RPH3AL: variants seen among roughly 807,000 people sequenced by gnomAD.
RPH3AL encodes the protein rab effector Noc2.
RPH3AL carries 38 observed loss-of-function variants against 43.1 expected under a neutral mutation model. The ratio of observed to expected loss-of-function variants is 0.88; its 90% CI spans 0.68 to 1.15. RPH3AL has a LOEUF of 1.15. Among genes scored for constraint, RPH3AL ranks in the 50% most tolerant of loss-of-function variants. The pLI is 0.00. For missense variants in RPH3AL, 462 were observed against 423.2 expected (o/e 1.09, Z -0.81); for synonymous variants, 189 against 176.3 (o/e 1.07, Z -0.57).
At chr17:230,509 C>T (rs556210744) in intron 7 of RPH3AL, among the ~76,000 whole-genome samples, 1 of 152,130 alleles carries the variant, frequency 6.6e-6, no homozygotes, top group Non-Finnish European at 1.5e-5. Flanking sequence ...TGGGGTGTGC[C>T]AGGCATCCTG....
At chr17:351,207 C>T (rs1288503292) in intron 1 of RPH3AL, among the ~76,000 whole-genome samples, 1 of 152,198 alleles carries the variant, frequency 6.6e-6, no homozygotes, top group Non-Finnish European at 1.5e-5. Context: ...TTGTCCTTGG[C>T]TATGGCCCTA....
intron 6 of RPH3AL, among the ~76,000 whole-genome samples, chr17:280,522 G>A (rs762563969): frequency 9.2e-5 from 14 of 152,176 alleles, no homozygotes; most frequent in Non-Finnish European, 1.5e-4. Context: ...CAGACCCAGC[G>A]GGAGGCAGCT....
intron 2 of RPH3AL, chr17:331,634 C>T: frequency 7.8e-7 from 1 of 1,288,416 alleles, no homozygotes; most frequent in Non-Finnish European, 1.0e-6. Flanking sequence ...ATTCTCCAAA[C>T]CTCGTCAGCA....
At chr17:331,414 G>A (rs1337999531) in intron 2 of RPH3AL, 1 of 334,648 alleles carries the variant, frequency 3.0e-6, no homozygotes, top group Non-Finnish European at 5.0e-6. Context: ...GTTCACAGGG[G>A]TGGCCCTGAG....
chr17:307,612 G>A (rs1253063017), intron 5 of RPH3AL, among the ~76,000 whole-genome samples: 3 of 152,234 alleles, frequency 2.0e-5, no homozygotes, highest in Non-Finnish European at 4.4e-5. Context: ...CACAGGAACT[G>A]ACCAGGGGAC....
chr17:334,398 CG>C (rs2044883341), intron 1 of RPH3AL, among the ~76,000 whole-genome samples: 1 of 152,250 alleles, frequency 6.6e-6, no homozygotes, highest in Non-Finnish European at 1.5e-5. Flanking sequence ...GTCTCTAGCC[CG>C]TCCACTGCGG....
At chr17:293,280 T>A (rs1380750812) in intron 5 of RPH3AL, among the ~76,000 whole-genome samples, 2 of 152,194 alleles carry the variant, frequency 1.3e-5, no homozygotes, top group African/African-American at 2.4e-5. Flanking sequence ...TACCACTGCG[T>A]CCCGAGTGGA....
At chr17:317,232 G>T (rs74200996) in intron 5 of RPH3AL, among the ~76,000 whole-genome samples, 1 of 147,022 alleles carries the variant, frequency 6.8e-6, no homozygotes, top group South Asian at 2.2e-4. Flanking sequence ...TGCAGTGCCT[G>T]TGCTCCACCT....
In RPH3AL at chr17:232,827, G is replaced by GGT. The variant is rs1296326264; in HGVS notation, c.614-13092_614-13091insAC. ...TCCTTGTCTCTAAACAGTCCTTTCC[G>GGT]GCGTGTGTGTGTGTGTGTGTGTGTG... On this transcript the variant is annotated intron_variant, in intron 7 of 9. Coordinates refer to ENST00000331302, the MANE Select transcript of RPH3AL (RefSeq NM_006987.4). Among the ~76,000 whole-genome samples, 12 of 130,300 alleles carry GGT rather than the reference G, an allele frequency of 9.2e-5. No individual in the cohort carries two copies. The East Asian group carries it at 2.2e-3, about 24-fold the overall frequency. The allele number at this position is 130,300 out of a possible 152,430, so 85.5% of individuals were successfully genotyped here.
intron 6 of RPH3AL, among the ~76,000 whole-genome samples, chr17:263,548 T>C (rs2042250282): frequency 6.6e-6 from 1 of 152,222 alleles, no homozygotes; most frequent in Non-Finnish European, 1.5e-5. Flanking sequence ...TAAAACCATA[T>C]GATGTGTTAC....
At chr17:244,833 G>A (rs991396079) in intron 7 of RPH3AL, among the ~76,000 whole-genome samples, 1 of 152,218 alleles carries the variant, frequency 6.6e-6, no homozygotes, top group Non-Finnish European at 1.5e-5. Context: ...GCATGTGCAT[G>A]GGAGTATGTG....
chr17:315,261 A>C (rs1479167031), intron 5 of RPH3AL, among the ~76,000 whole-genome samples: 18 of 106,712 alleles, frequency 1.7e-4, no homozygotes, highest in Admixed American at 4.5e-4. Flanking sequence ...CTGTGCCCCC[A>C]CCTCCATTGA....
At chr17:239,292 T>A (rs370803467) in intron 7 of RPH3AL, among the ~76,000 whole-genome samples, 11 of 152,340 alleles carry the variant, frequency 7.2e-5, no homozygotes, top group African/African-American at 2.6e-4. Flanking sequence ...ACTTTCATTG[T>A]GTTATTTTTA....
chr17:215,693 C>A lies in RPH3AL; in HGVS notation c.837G>T (p.Pro279=). ...TCAGCCCGGGGCGGGGTCCCCCTGG[C>A]GGGTCAGCAGAGCCTGTCCCCGTCT... ...SGETGTGSAD[P]PGGPRPGLTR... The change falls in exon 9 of 10, where the codon CCG becomes CCT. Residue 279 remains proline, a synonymous_variant. Transcript: ENST00000331302. The surrounding 1 kb of genome is among the most constrained non-coding windows in gnomAD (Gnocchi z 4.1). 7.8e-7 allele frequency: 1 copy of A among 1,275,158 alleles called. No individual in the cohort carries two copies. Among genetic ancestry groups the A allele is most frequent in the Non-Finnish European group, 9.9e-7 (1 of 1,005,252 alleles). 79.0% of individuals were successfully genotyped at this position (1,275,158 alleles called of 1,614,324 possible). A position where few individuals can be genotyped will look rare whatever the true frequency, so the allele number is the denominator to read the frequency against.
intron 6 of RPH3AL, among the ~76,000 whole-genome samples, chr17:269,362 T>G (rs2042407737): frequency 6.6e-6 from 1 of 152,184 alleles, no homozygotes; most frequent in African/African-American, 2.4e-5. Context: ...TATTTGTTTA[T>G]GTTTCATCGT....
At chr17:317,138 C>T (rs2044277655) in intron 5 of RPH3AL, among the ~76,000 whole-genome samples, 1 of 151,270 alleles carries the variant, frequency 6.6e-6, no homozygotes, top group South Asian at 2.1e-4. Flanking sequence ...GACGTGTAGT[C>T]CCTGTGCCCC....
At chr17:346,093 C>A (rs149274423) in intron 1 of RPH3AL, among the ~76,000 whole-genome samples, 1,394 of 135,008 alleles carry the variant, frequency 0.01, 333 homozygotes, top group Non-Finnish European at 0.017. Flanking sequence ...TTCAAAGTAA[C>A]CCTATGAGGC....
chr17:294,213 G>C (rs1297391929), intron 5 of RPH3AL, among the ~76,000 whole-genome samples: 2 of 151,870 alleles, frequency 1.3e-5, no homozygotes, highest in African/African-American at 4.8e-5. Context: ...GGGATGAAGA[G>C]ACGTACAAAC....
intron 5 of RPH3AL, among the ~76,000 whole-genome samples, chr17:314,398 G>T (rs557842948): frequency 1.2e-4 from 18 of 151,974 alleles, no homozygotes; most frequent in African/African-American, 4.3e-4. Context: ...CCATTCCCAA[G>T]TCTCTGTGCC....
Sources: allele counts gnomAD v4.1 joint callset (sites outside exome capture counted in the v4.1 genomes callset), GRCh38; gene constraint gnomAD v4.1.1; non-coding constraint Gnocchi (gnomAD v3.1); transcripts MANE v1.5; gene names NCBI Gene and HGNC (gene_info 2026-07-23, HGNC 2026-07-21).